RBFOX1: variants seen among roughly 807,000 people sequenced by gnomAD.
RBFOX1 encodes the protein RNA binding fox-1 homolog 1, also known as RNA binding protein fox-1 homolog 1.
In RBFOX1, 8 loss-of-function variants were observed where a neutral mutation model predicts 57.7. That is an observed-to-expected ratio of 0.14 (90% CI 0.08 to 0.25). The LOEUF is 0.25. RBFOX1 is among the 10% of genes least tolerant of loss of function. The pLI is 1.00. For synonymous variants in RBFOX1, 326 were observed against 222.4 expected (o/e 1.47, Z -4.15); for missense variants, 611 against 548.5 (o/e 1.11, Z -1.14).
At chr16:5,965,388 C>G (rs562885029) in intron 4 of RBFOX1, among the ~76,000 whole-genome samples, 6 of 152,186 alleles carry the variant, frequency 3.9e-5, no homozygotes, top group Admixed American at 6.5e-5. Flanking sequence ...GTACATATAT[C>G]AAAACATCAT....
chr16:6,923,137 C>G (rs996949632), intron 3 of RBFOX1, among the ~76,000 whole-genome samples: 1 of 152,184 alleles, frequency 6.6e-6, no homozygotes, highest in Non-Finnish European at 1.5e-5. Flanking sequence ...GATAGGAAAG[C>G]AGCTGGTCCA....
chr16:6,843,846 A>G (rs528208782), intron 3 of RBFOX1, among the ~76,000 whole-genome samples: 3 of 152,312 alleles, frequency 2.0e-5, no homozygotes, highest in Non-Finnish European at 2.9e-5. Context: ...GTTCTCCTGA[A>G]CTGACTGTTC....
At chr16:5,953,859 T>C (rs1030174765) in intron 4 of RBFOX1, among the ~76,000 whole-genome samples, 13 of 152,154 alleles carry the variant, frequency 8.5e-5, no homozygotes, top group Non-Finnish European at 1.6e-4. Context: ...AGATACCCAG[T>C]AGTGGGATTG....
intron 4 of RBFOX1, among the ~76,000 whole-genome samples, chr16:7,234,304 C>G (rs1473163196): frequency 6.6e-6 from 1 of 152,006 alleles, no homozygotes; most frequent in Non-Finnish European, 1.5e-5. Flanking sequence ...GGTTTATCTT[C>G]CAGTGGGTTG....
chr16:7,528,996 C>T lies in RBFOX1; in HGVS notation c.270+10607C>T, dbSNP rs573757069. ...ACGGAAGGCCAGGCACAGTGGCTCACATCTGTAATCCCAGCACTTTGGGAG... is the reference window on the plus strand; with the variant it reads ...ACGGAAGGCCAGGCACAGTGGCTCATATCTGTAATCCCAGCACTTTGGGAG... On this transcript the variant is annotated intron_variant, in intron 5 of 15. Coordinates refer to ENST00000550418, the MANE Select transcript of RBFOX1 (RefSeq NM_018723.4). 1.6e-4 allele frequency among the ~76,000 whole-genome samples: 24 copies of T among 152,326 alleles called. No individual in the cohort carries two copies. The South Asian group carries it at 4.8e-3, about 30-fold the overall frequency.
chr16:7,708,640 G>C (rs1252900531), intron 14 of RBFOX1, among the ~76,000 whole-genome samples: 7 of 152,154 alleles, frequency 4.6e-5, no homozygotes, highest in Non-Finnish European at 7.3e-5. Context: ...TATTTCACTT[G>C]AATGGTGACA....
intron 5 of RBFOX1, among the ~76,000 whole-genome samples, chr16:7,576,175 T>C (rs1232590732): frequency 6.6e-6 from 1 of 151,816 alleles, no homozygotes; most frequent in Non-Finnish European, 1.5e-5. Context: ...CCTCCCACCT[T>C]AGCCTGCCAA....
intron 2 of RBFOX1, among the ~76,000 whole-genome samples, chr16:6,356,209 G>C (rs2087287369): frequency 6.6e-6 from 1 of 152,128 alleles, no homozygotes; most frequent in Non-Finnish European, 1.5e-5. Flanking sequence ...TTTACATGGT[G>C]GCTTTCTTCC....
chr16:5,272,879 G>A (rs1451555138), intron 1 of RBFOX1, among the ~76,000 whole-genome samples: 2 of 152,188 alleles, frequency 1.3e-5, no homozygotes, highest in African/African-American at 4.8e-5. Flanking sequence ...TGACTGCAAG[G>A]TGCTTGAGAT....
intron 14 of RBFOX1, among the ~76,000 whole-genome samples, chr16:7,699,049 G>A (rs943841364): frequency 6.6e-6 from 1 of 152,180 alleles, no homozygotes; most frequent in Non-Finnish European, 1.5e-5. Context: ...TGCAGAGCCT[G>A]TTTTGTCGCC....
chr16:6,578,389 C>A (rs1190342574), intron 2 of RBFOX1, among the ~76,000 whole-genome samples: 1 of 152,116 alleles, frequency 6.6e-6, no homozygotes, highest in Non-Finnish European at 1.5e-5. Context: ...GATTCATGAC[C>A]TTATGGATGG....
intron 4 of RBFOX1, among the ~76,000 whole-genome samples, chr16:7,132,864 C>A (rs925392444): frequency 1.3e-5 from 2 of 152,098 alleles, no homozygotes; most frequent in Non-Finnish European, 2.9e-5. Context: ...GAGAATGCTG[C>A]CACGTGGTGA....
At chr16:5,667,487 C>G (rs532692597) in intron 3 of RBFOX1, among the ~76,000 whole-genome samples, 1 of 152,142 alleles carries the variant, frequency 6.6e-6, no homozygotes, top group African/African-American at 2.4e-5. Context: ...TTTTGGGTTA[C>G]TTGTAGTTTT....
At chr16:5,719,620 A>G (rs962397276) in intron 3 of RBFOX1, among the ~76,000 whole-genome samples, 1 of 152,044 alleles carries the variant, frequency 6.6e-6, no homozygotes, top group African/African-American at 2.4e-5. Context: ...GTCTCTATGG[A>G]CTTGCCTATT....
At chr16:5,856,527 ATATATGTG>A (rs143794632) in intron 3 of RBFOX1, among the ~76,000 whole-genome samples, 690 of 55,132 alleles carry the variant, frequency 0.013, 38 homozygotes, top group East Asian at 0.068. Context: ...TCTCTCATTC[ATATATGTG>A]TATGTGTGTG....
intron 4 of RBFOX1, among the ~76,000 whole-genome samples, chr16:7,342,873 A>G (rs1320012815): frequency 6.6e-6 from 1 of 152,182 alleles, no homozygotes; most frequent in Non-Finnish European, 1.5e-5. Flanking sequence ...CAGAGGTTGC[A>G]TCAGGGGGCC....
chr16:6,483,944 C>T lies in RBFOX1; in HGVS notation c.-64+166887C>T, dbSNP rs1043939317. 12 of 1,057,524 alleles carry T rather than the reference C, an allele frequency of 1.1e-5. No homozygotes were observed. The African/African-American group carries it at 1.2e-4, about 10-fold the overall frequency. The allele number at this position is 1,057,524 out of a possible 1,614,324, so 65.5% of individuals were successfully genotyped here. On this transcript the variant is annotated intron_variant, in intron 2 of 15. Coordinates refer to ENST00000550418, the MANE Select transcript of RBFOX1 (RefSeq NM_018723.4). ...GTAAGCCGAGCTCCAGCTCCGGGGA[C>T]CTCGGAGACTGTGCTCAGGGCTCGC...
At chr16:6,065,450 C>G (rs921907449) in intron 1 of RBFOX1, among the ~76,000 whole-genome samples, 3 of 152,172 alleles carry the variant, frequency 2.0e-5, no homozygotes, top group Non-Finnish European at 4.4e-5. Flanking sequence ...TGCTGGCTTT[C>G]TTCATGGTCA....
intron 1 of RBFOX1, among the ~76,000 whole-genome samples, chr16:6,279,101 T>A (rs1423228324): frequency 6.6e-6 from 1 of 152,166 alleles, no homozygotes; most frequent in African/African-American, 2.4e-5. Flanking sequence ...CACCTCTCAC[T>A]TATTTCAATC....
Sources: gnomAD v4.1 joint callset for allele counts (sites outside exome capture counted in the v4.1 genomes callset) on GRCh38, gnomAD v4.1.1 for gene constraint, MANE v1.5 for transcripts, NCBI Gene and HGNC (gene_info 2026-07-23, HGNC 2026-07-21) for gene names.